PIK3C2G: variants seen among roughly 807,000 people sequenced by gnomAD.
The protein encoded by PIK3C2G is phosphatidylinositol 3-kinase C2 domain-containing subunit gamma.
A neutral mutation model predicts 181.1 loss-of-function variants in PIK3C2G; 168 were observed. The observed-to-expected ratio is 0.93, with a 90% CI of 0.82 to 1.05. The LOEUF is 1.05. Ranked by LOEUF, PIK3C2G falls within the 50% of genes least tolerant of loss-of-function variation. The probability of loss-of-function intolerance (pLI) is 0.00; values close to 1 mark genes in which losing one functional copy is unlikely to be tolerated. For missense variants in PIK3C2G, 1,869 were observed against 1,732.8 expected (o/e 1.08, Z -1.40); for synonymous variants, 573 against 592.2 (o/e 0.97, Z 0.47).
At chr12:18,559,935 C>T (rs1163749290) in intron 26 of PIK3C2G, among the ~76,000 whole-genome samples, 1 of 148,840 alleles carries the variant, frequency 6.7e-6, no homozygotes, top group African/African-American at 2.5e-5. Context: ...CCTCCACCTC[C>T]CAGATCCAAG....
the PIK3C2G span, among the ~76,000 whole-genome samples, chr12:18,662,845 T>C: frequency 6.6e-6 from 1 of 151,862 alleles, no homozygotes; most frequent in African/African-American, 2.4e-5. Context: ...AAAATGCACA[T>C]AGAATAAAAA....
intron 24 of PIK3C2G, among the ~76,000 whole-genome samples, chr12:18,517,215 G>T (rs1942610632): frequency 6.6e-6 from 1 of 151,968 alleles, no homozygotes; most frequent in Non-Finnish European, 1.5e-5. Context: ...TTCTGGGGAA[G>T]ACTTATCGTG....
At chr12:18,387,391 C>A (rs934869875) in intron 14 of PIK3C2G, among the ~76,000 whole-genome samples, 4 of 152,136 alleles carry the variant, frequency 2.6e-5, no homozygotes, top group African/African-American at 7.2e-5. Context: ...CCTGTCCCAT[C>A]GCTTCTCTTG....
chr12:18,632,571 T>C (rs1949395576), intron 31 of PIK3C2G, among the ~76,000 whole-genome samples: 1 of 152,134 alleles, frequency 6.6e-6, no homozygotes, highest in African/African-American at 2.4e-5. Context: ...CTTATGGACA[T>C]ATGGAGTTGC....
intron 18 of PIK3C2G, among the ~76,000 whole-genome samples, chr12:18,477,209 C>T (rs1438560595): frequency 6.6e-6 from 1 of 152,158 alleles, no homozygotes; most frequent in Non-Finnish European, 1.5e-5. Context: ...GGCCCTGTCT[C>T]TACATTCAGT....
the PIK3C2G span, among the ~76,000 whole-genome samples, chr12:18,670,346 T>A: frequency 4.2e-4 from 64 of 152,184 alleles, no homozygotes; most frequent in East Asian, 7.4e-3. Context: ...AATCACATTG[T>A]TGATTTAGAC....
intron 30 of PIK3C2G, among the ~76,000 whole-genome samples, chr12:18,602,584 A>G (rs903332971): frequency 6.6e-6 from 1 of 151,988 alleles, no homozygotes; most frequent in African/African-American, 2.4e-5. Context: ...GCACAAGAGC[A>G]TTAAACCACC....
intron 31 of PIK3C2G, among the ~76,000 whole-genome samples, chr12:18,621,713 G>A (rs1286732134): frequency 6.6e-6 from 1 of 151,570 alleles, no homozygotes; most frequent in African/African-American, 2.4e-5. Flanking sequence ...CTAGACACAC[G>A]GTGGTTAGAT....
At position 18,441,507 on chromosome 12, in the gene PIK3C2G, C is replaced by G. The variant is rs1214062198; in HGVS notation, c.2504+17468C>G. On this transcript the variant is annotated intron_variant, in intron 18 of 32. Coordinates refer to ENST00000538779, the MANE Select transcript of PIK3C2G (RefSeq NM_001288772.2). ...AAGAAAGAATTTCTGGTGCAAAATCCTTGAGTAATGATAGGGTGTGATATC... is the reference window on the plus strand; with the variant it reads ...AAGAAAGAATTTCTGGTGCAAAATCGTTGAGTAATGATAGGGTGTGATATC... 2.0e-5 allele frequency among the ~76,000 whole-genome samples: 3 copies of G among 151,984 alleles called. No homozygotes were observed. The South Asian group carries it at 6.2e-4, about 31-fold the overall frequency.
At chr12:18,529,195 T>C (rs1260255746) in intron 24 of PIK3C2G, among the ~76,000 whole-genome samples, 1 of 151,638 alleles carries the variant, frequency 6.6e-6, no homozygotes, top group Admixed American at 6.6e-5. Flanking sequence ...CTTTAAAAAC[T>C]ACAATTAAAT....
chr12:18,272,727 T>C (rs886589288), intron 1 of PIK3C2G, among the ~76,000 whole-genome samples: 8 of 152,166 alleles, frequency 5.3e-5, no homozygotes, highest in African/African-American at 1.9e-4. Context: ...TAAGAGCCTC[T>C]TTGAGTTAGC....
chr12:18,315,402 A>C (rs1414944575), intron 6 of PIK3C2G, among the ~76,000 whole-genome samples: 1 of 152,190 alleles, frequency 6.6e-6, no homozygotes, highest in African/African-American at 2.4e-5. Context: ...ATGTTGAGAA[A>C]AAAAAAGCTG....
intron 12 of PIK3C2G, among the ~76,000 whole-genome samples, chr12:18,368,608 C>A (rs1365612593): frequency 6.6e-6 from 1 of 152,304 alleles, no homozygotes; most frequent in Non-Finnish European, 1.5e-5. Context: ...CTGTCGTAAT[C>A]TAGAAACTAG....
At chr12:18,413,171 T>C (rs758830020) in intron 16 of PIK3C2G, among the ~76,000 whole-genome samples, 1 of 152,130 alleles carries the variant, frequency 6.6e-6, no homozygotes, top group African/African-American at 2.4e-5. Flanking sequence ...AATTTCTTAA[T>C]GGTTAATGTA....
intron 18 of PIK3C2G, among the ~76,000 whole-genome samples, chr12:18,480,687 G>C (rs548951001): frequency 6.6e-6 from 1 of 152,068 alleles, no homozygotes; most frequent in Non-Finnish European, 1.5e-5. Context: ...GGCAGCAACC[G>C]AATGACCTGA....
intron 18 of PIK3C2G, among the ~76,000 whole-genome samples, chr12:18,432,476 C>T (rs1565716602): frequency 6.6e-6 from 1 of 152,122 alleles, no homozygotes; most frequent in Middle Eastern, 3.2e-3. Flanking sequence ...AGATAGTAAT[C>T]TGGTTTCCCT....
chr12:18,693,523 A>T, the PIK3C2G span: 2 of 1,611,852 alleles, frequency 1.2e-6, no homozygotes, highest in Non-Finnish European at 1.7e-6. Context: ...CTTTCTTGAG[A>T]GTGGTTGGCT....
At chr12:18,586,651 G>T (rs1008748796) in intron 29 of PIK3C2G, among the ~76,000 whole-genome samples, 2 of 152,060 alleles carry the variant, frequency 1.3e-5, no homozygotes, top group African/African-American at 4.8e-5. Flanking sequence ...TTAAAGAAGA[G>T]CTGTAAAATT....
At chr12:18,359,826 G>T (rs1941074758) in intron 11 of PIK3C2G, among the ~76,000 whole-genome samples, 2 of 151,772 alleles carry the variant, frequency 1.3e-5, no homozygotes, top group Non-Finnish European at 2.9e-5. Flanking sequence ...TTCATTTTTG[G>T]CCTATTTGTG....
Sources: allele counts gnomAD v4.1 joint callset (sites outside exome capture counted in the v4.1 genomes callset), GRCh38; gene constraint gnomAD v4.1.1; transcripts MANE v1.5; gene names NCBI Gene and HGNC (gene_info 2026-07-23, HGNC 2026-07-21).